CHD8: variants seen among roughly 807,000 people sequenced by gnomAD.
CHD8 encodes chromodomain helicase DNA binding protein 8.
A neutral mutation model predicts 279.2 loss-of-function variants in CHD8; 31 were observed. The ratio of observed to expected loss-of-function variants is 0.11; its 90% confidence interval spans 0.08 to 0.15. The LOEUF (loss-of-function observed/expected upper bound fraction) is 0.15, where lower values mean the gene tolerates loss of function less well. Among genes scored for constraint, CHD8 ranks in the 10% least tolerant of loss-of-function variants. The probability of loss-of-function intolerance (pLI) is 1.00; values close to 1 mark genes in which losing one functional copy is unlikely to be tolerated. For missense variants in CHD8, 2,146 were observed against 3,230.5 expected, an observed-to-expected ratio of 0.66 and a Z score of 8.14; for synonymous variants, 1,081 against 1,139.6, an observed-to-expected ratio of 0.95 and a Z score of 1.04.
intron 1 of CHD8, among the ~76,000 whole-genome samples, chr14:21,448,558 T>C (rs1890180156): frequency 6.6e-6 from 1 of 152,054 alleles, no homozygotes; most frequent in African/African-American, 2.4e-5. Context: ...GGGTCAGCAC[T>C]GAACTTTTTT....
intron 1 of CHD8, among the ~76,000 whole-genome samples, chr14:21,438,512 T>TA (rs559681631): frequency 0.061 from 6,914 of 112,470 alleles, 460 homozygotes; most frequent in African/African-American, 0.16. Flanking sequence ...CCTAGTCTCT[T>TA]AAAAAAAAAA....
intron 37 of CHD8, among the ~76,000 whole-genome samples, chr14:21,387,085 T>C (rs886525590): frequency 1.5e-4 from 23 of 152,238 alleles, no homozygotes; most frequent in African/African-American, 5.5e-4. Flanking sequence ...TTAAATGGCT[T>C]CTTCTAGATG....
At position 21,426,260 on chromosome 14, in the gene CHD8, A is replaced by C. The variant is rs764403830; in HGVS notation, c.1602-18T>G. The C allele has an allele frequency of 7.4e-6, 10 of 1,350,514 alleles. 1 individual carries two copies. The highest frequency in any genetic ancestry group is 6.9e-5 in the East Asian group (3 of 43,322). 83.7% of individuals were successfully genotyped at this position (1,350,514 alleles called of 1,614,324 possible). On this transcript the variant is annotated intron_variant, in intron 4 of 37. Coordinates refer to ENST00000646647, the MANE Select transcript of CHD8 (RefSeq NM_001170629.2). Reference sequence around the variant, plus strand: ...TGATGGTGCTAAAAAGGAAAAACCAAATTCATTTTCAGTGAAAGCAAAGAA... The same window carrying C: ...TGATGGTGCTAAAAAGGAAAAACCACATTCATTTTCAGTGAAAGCAAAGAA...
intron 1 of CHD8, among the ~76,000 whole-genome samples, chr14:21,444,005 G>A (rs987921895): frequency 6.6e-6 from 1 of 151,944 alleles, no homozygotes; most frequent in African/African-American, 2.4e-5. Context: ...TCCTCTTTTA[G>A]GATAATTATC....
chr14:21,443,869 A>T, intron 1 of CHD8, among the ~76,000 whole-genome samples: 1 of 151,548 alleles, frequency 6.6e-6, no homozygotes, highest in South Asian at 2.1e-4. Flanking sequence ...AAAAAAAAAA[A>T]AAAAAAAAAA....
chr14:21,403,710 T>G lies in CHD8; in HGVS notation c.3308-47A>C. ...TATGTTGAGATCCAGTGAACCATAT[T>G]AAGGTTGTAGTCTATTTAACTAAGA... On this transcript the variant is annotated intron_variant, in intron 16 of 37. Transcript: ENST00000646647. This position sits in a 1 kb window ranked among gnomAD's most constrained non-coding sequence, Gnocchi z 4.3. 6.8e-7 allele frequency: 1 copy of G among 1,464,094 alleles called. No homozygotes were observed. Among genetic ancestry groups the G allele is most frequent in the Non-Finnish European group, 9.4e-7 (1 of 1,067,138 alleles). 90.7% of individuals were successfully genotyped at this position (1,464,094 alleles called of 1,614,324 possible). A position where few individuals can be genotyped will look rare whatever the true frequency, so the allele number is the denominator to read the frequency against.
intron 1 of CHD8, among the ~76,000 whole-genome samples, chr14:21,451,154 C>G (rs1432203447): frequency 6.6e-6 from 1 of 152,142 alleles, no homozygotes; most frequent in Non-Finnish European, 1.5e-5. Context: ...TCCAAACAAA[C>G]TAGTGAGAAT....
At chr14:21,441,749 C>T (rs879684894) in intron 1 of CHD8, among the ~76,000 whole-genome samples, 54 of 152,124 alleles carry the variant, frequency 3.5e-4, no homozygotes, top group Non-Finnish European at 5.1e-4. Context: ...ATTAGCTGGG[C>T]GTGGTGGTGG....
chr14:21,429,107 G>A lies in CHD8; in HGVS notation c.1072C>T (p.Pro358Ser). 6.2e-7 allele frequency: 1 copy of A among 1,613,980 alleles called. No individual in the cohort carries two copies. The highest frequency in any genetic ancestry group is 1.1e-5 in the South Asian group (1 of 91,078). ...QQKIQIVPQP[P>S]SSQPQPQQPP... ...TGCTGGGGCTGTGGCTGCGATGATG[G>A]TGGTTGTGGTACAATCTGGATTTTT... The change falls in exon 3 of 38, where the codon CCA becomes TCA. Residue 358 changes from proline to serine, a missense_variant. Pro to Ser is a moderately conservative substitution (Grantham distance 74, BLOSUM62 -1). This residue lies in a region of CHD8 where 170 missense variants were observed against 189.9 expected (regional missense o/e 0.90). Coordinates refer to ENST00000646647, the MANE Select transcript of CHD8 (RefSeq NM_001170629.2).
intron 1 of CHD8, chr14:21,436,996 T>C (rs774731148): frequency 2.4e-6 from 3 of 1,269,006 alleles, no homozygotes; most frequent in Non-Finnish European, 1.0e-6. Context: ...ATGAGGTACA[T>C]GCACTTGAGG....
chr14:21,408,200 G>T lies in CHD8; in HGVS notation c.2730+112C>A. The T allele has an allele frequency of 7.7e-7, 1 of 1,292,034 alleles. No individual in the cohort carries two copies. The highest frequency in any genetic ancestry group is 1.1e-6 in the Non-Finnish European group (1 of 940,680). 80.0% of individuals were successfully genotyped at this position (1,292,034 alleles called of 1,614,324 possible). A position where few individuals can be genotyped will look rare whatever the true frequency, so the allele number is the denominator to read the frequency against. ...CTTAAACCATAGGCATTTTTGCATA[G>T]GCATATTGAAGACTTTCAATAAAAG... On this transcript the variant is annotated intron_variant, in intron 13 of 37. Transcript: ENST00000646647. This position sits in a 1 kb window ranked among gnomAD's most constrained non-coding sequence, Gnocchi z 4.3.
chr14:21,392,943 A>T, intron 33 of CHD8, 134 bp from the exon 34 acceptor site: 2 of 1,198,660 alleles, frequency 1.7e-6, no homozygotes, highest in Non-Finnish European at 2.3e-6. Context: ...TAATACTATT[A>T]AGATTCCTAA....
At chr14:21,448,137 G>A (rs1055217643) in intron 1 of CHD8, among the ~76,000 whole-genome samples, 3 of 152,104 alleles carry the variant, frequency 2.0e-5, no homozygotes, top group African/African-American at 4.8e-5. Flanking sequence ...GAGGCTATAC[G>A]GAATTGTTTT....
chr14:21,391,348 C>T (rs994852186), intron 36 of CHD8, 115 bp downstream of exon 36: 5 of 971,352 alleles, frequency 5.1e-6, no homozygotes, highest in Admixed American at 5.4e-5. Flanking sequence ...TTAATTATTA[C>T]CCTTATCTTG....
chr14:21,409,749 A>G lies in CHD8; in HGVS notation c.2364+102T>C, dbSNP rs1335942872. 6 of 1,113,722 alleles carry G rather than the reference A, an allele frequency of 5.4e-6. No homozygotes were observed. In the Admixed American group the frequency reaches 9.4e-5, roughly 17 times the overall value. 69.0% of individuals were successfully genotyped at this position (1,113,722 alleles called of 1,614,324 possible). A position where few individuals can be genotyped will look rare whatever the true frequency, so the allele number is the denominator to read the frequency against. Reference sequence around the variant, plus strand: ...CATTTCTTCGATTTTTATATGTTTGAAATTTCCATAATAAAAAGCTAAAAC... The same window carrying G: ...CATTTCTTCGATTTTTATATGTTTGGAATTTCCATAATAAAAAGCTAAAAC... On this transcript the variant is annotated intron_variant, in intron 11 of 37. Coordinates refer to ENST00000646647, the MANE Select transcript of CHD8 (RefSeq NM_001170629.2).
chr14:21,443,636 C>T lies in CHD8; in HGVS notation c.-215-11778G>A, dbSNP rs143197742. 5.1e-3 allele frequency among the ~76,000 whole-genome samples: 782 copies of T among 151,898 alleles called. 2 individuals carry two copies. The highest frequency in any genetic ancestry group is 0.017 in the Middle Eastern group (5 of 294). ...TTGGGAGGCCGAGGTGGGTGGATCA[C>T]GAGGTCAGGAGATCGAGACCATCCT... On this transcript the variant is annotated intron_variant, in intron 1 of 37. Coordinates refer to ENST00000646647, the MANE Select transcript of CHD8 (RefSeq NM_001170629.2).
rs757111629 is a variant in CHD8 at position 21,393,860 on chromosome 14, G to A, written c.5935C>T (p.Arg1979Cys). 19 of 1,614,006 alleles carry A rather than the reference G, an allele frequency of 1.2e-5. No homozygotes were observed. Among genetic ancestry groups the A allele is most frequent in the East Asian group, 4.5e-5 (2 of 44,886 alleles). The change falls in exon 32 of 38, where the codon CGC (arginine) becomes TGC (cysteine). Residue 1979 changes from arginine to cysteine, a missense_variant. Transcript: ENST00000646647. ...QAGAPAPSLS[R>C]CSTPLLHQQY... ...TGGTGCAGCAGTGGAGTAGAGCAGCGTGACAAGGATGGAGCTGGTGCTCCT... is the reference window on the plus strand; with the variant it reads ...TGGTGCAGCAGTGGAGTAGAGCAGCATGACAAGGATGGAGCTGGTGCTCCT...
At chr14:21,410,023 A>T in intron 10 of CHD8, 35 bp from the exon 11 acceptor site, 1 of 1,580,652 alleles carries the variant, frequency 6.3e-7, no homozygotes, top group Non-Finnish European at 8.6e-7. Flanking sequence ...TAAGAAACTG[A>T]TTCTGTGTTC....
intron 1 of CHD8, among the ~76,000 whole-genome samples, chr14:21,442,190 C>T (rs1445875374): frequency 1.3e-5 from 2 of 151,974 alleles, no homozygotes; most frequent in African/African-American, 4.8e-5. Flanking sequence ...ACAATTAGGC[C>T]GGGTGCAGTG....
Sources: gnomAD v4.1 joint callset for allele counts (sites outside exome capture counted in the v4.1 genomes callset) on GRCh38, gnomAD v4.1.1 for gene constraint, gnomAD v4.1.1 regional missense constraint, Gnocchi (gnomAD v3.1) non-coding constraint, MANE v1.5 for transcripts, NCBI Gene and HGNC (gene_info 2026-07-23, HGNC 2026-07-21) for gene names.